DSG2: variants seen among roughly 807,000 people sequenced by gnomAD.
The protein encoded by DSG2 is desmoglein-2.
A neutral mutation model predicts 75.6 loss-of-function variants in DSG2; 45 were observed. The ratio of observed to expected loss-of-function variants is 0.60; its 90% CI spans 0.47 to 0.76. The LOEUF is 0.76. Ranked by LOEUF, DSG2 falls within the 30% of genes least tolerant of loss-of-function variation. The probability of loss-of-function intolerance (pLI) is 0.00; values close to 1 mark genes in which losing one functional copy is unlikely to be tolerated. For missense variants in DSG2, 1,267 were observed against 1,357.4 expected (o/e 0.93, Z 1.05); for synonymous variants, 429 against 483.9 (o/e 0.89, Z 1.49).
rs118108358 is a variant in DSG2 at position 31,541,967 on chromosome 18, A to G, written c.2002-553A>G. 2.3e-3 allele frequency among the ~76,000 whole-genome samples: 341 copies of G among 151,526 alleles called. 1 individual carries two copies. The highest frequency in any genetic ancestry group is 4.4e-3 in the Non-Finnish European group (296 of 67,972). ...TTCCATGGTTGAGTTCCATTCCCACACTGTCCTCATGTCCTAGTTCTAGCT... is the reference window on the plus strand; with the variant it reads ...TTCCATGGTTGAGTTCCATTCCCACGCTGTCCTCATGTCCTAGTTCTAGCT... On this transcript the variant is annotated intron_variant, in intron 13 of 14. Transcript: ENST00000261590.
intron 1 of DSG2, among the ~76,000 whole-genome samples, chr18:31,511,131 C>T (rs1952771772): frequency 6.6e-6 from 1 of 152,202 alleles, no homozygotes; most frequent in Admixed American, 6.5e-5. Flanking sequence ...GCTTGTATTA[C>T]TGTCCTGACC....
intron 1 of DSG2, among the ~76,000 whole-genome samples, chr18:31,502,010 T>C (rs2073016131): frequency 6.6e-6 from 1 of 152,188 alleles, no homozygotes; most frequent in Non-Finnish European, 1.5e-5. Flanking sequence ...AATAATCAAT[T>C]ATCATATCCA....
At chr18:31,512,178 C>A (rs1196535569) in intron 1 of DSG2, among the ~76,000 whole-genome samples, 3 of 152,120 alleles carry the variant, frequency 2.0e-5, no homozygotes, top group Non-Finnish European at 4.4e-5. Flanking sequence ...TCACCCCTCC[C>A]TCAACACCAC....
chr18:31,517,674 A>G (rs1356144668), intron 1 of DSG2, among the ~76,000 whole-genome samples: 1 of 152,206 alleles, frequency 6.6e-6, no homozygotes, highest in Non-Finnish European at 1.5e-5. Context: ...TATTTAGAAC[A>G]GTACTAGGTC....
At chr18:31,526,718 G>A (rs1228334582) in intron 8 of DSG2, among the ~76,000 whole-genome samples, 1 of 152,136 alleles carries the variant, frequency 6.6e-6, no homozygotes, top group Non-Finnish European at 1.5e-5. Context: ...TGCCACATAC[G>A]AACGTTTCAG....
chr18:31,547,028 G>C lies in DSG2; in HGVS notation c.*285G>C. ...CCTGATAAAACAAGATACATAGAGA[G>C]TCAATCTGGCTTCTGAGAATTTACC... On this transcript the variant is annotated 3_prime_UTR_variant, in exon 15 of 15. Coordinates refer to ENST00000261590, the MANE Select transcript of DSG2 (RefSeq NM_001943.5). 2.1e-6 allele frequency: 1 copy of C among 469,850 alleles called. No homozygotes were observed. Among genetic ancestry groups the C allele is most frequent in the Admixed American group, 3.3e-5 (1 of 30,122 alleles). 29.1% of individuals were successfully genotyped at this position (469,850 alleles called of 1,614,324 possible).
In DSG2 at chr18:31,541,323, A is replaced by T. The variant is rs770547224; in HGVS notation, c.2001+9A>T. ...CACCACCTGAAGACAAGGTCAGTGG[A>T]TCAGATGTCAATATGACTTGTCTTC... On this transcript the variant is annotated intron_variant, in intron 13 of 14. Transcript: ENST00000261590. The T allele has an allele frequency of 6.2e-7, 1 of 1,613,924 alleles. No individual in the cohort carries two copies. Among genetic ancestry groups the T allele is most frequent in the Non-Finnish European group, 8.5e-7 (1 of 1,179,916 alleles).
chr18:31,504,081 C>T (rs923383525), intron 1 of DSG2, among the ~76,000 whole-genome samples: 1 of 152,148 alleles, frequency 6.6e-6, no homozygotes, highest in East Asian at 1.9e-4. Flanking sequence ...TTGATACATT[C>T]GTCCACTCAA....
rs1598829604 is a variant in DSG2, at chr18:31,548,909, T to G, written c.*2166T>G. On this transcript the variant is annotated 3_prime_UTR_variant, in exon 15 of 15. Coordinates refer to ENST00000261590, the MANE Select transcript of DSG2 (RefSeq NM_001943.5). ...TATTTTACAAGGAATATAACTCAGT[T>G]TGTTAGGGAGAGTGCCTTAAAGGCA... 1 of 100,052 alleles carries G rather than the reference T, an allele frequency of 1.0e-5. No individual in the cohort carries two copies. Among genetic ancestry groups the G allele is most frequent in the African/African-American group, 7.3e-5 (1 of 13,748 alleles). The allele number at this position is 100,052 out of a possible 1,614,324, so 6.2% of individuals were successfully genotyped here. A position where few individuals can be genotyped will look rare whatever the true frequency, so the allele number is the denominator to read the frequency against.
intron 1 of DSG2, among the ~76,000 whole-genome samples, chr18:31,507,035 G>A (rs372537177): frequency 1.2e-4 from 18 of 151,884 alleles, no homozygotes; most frequent in African/African-American, 4.1e-4. Context: ...CCATCAACTC[G>A]TCATCTGTAT....
intron 9 of DSG2, 112 bp downstream of exon 9, chr18:31,531,364 TC>T (rs763401497): frequency 5.0e-5 from 64 of 1,283,144 alleles, no homozygotes; most frequent in Non-Finnish European, 6.2e-5. Context: ...GCATTATAGT[TC>T]CCCAAAGGTC....
At chr18:31,506,003 G>T (rs1010297210) in intron 1 of DSG2, among the ~76,000 whole-genome samples, 1 of 152,140 alleles carries the variant, frequency 6.6e-6, no homozygotes, top group African/African-American at 2.4e-5. Context: ...CACAAATTGG[G>T]CGTCTACTAT....
chr18:31,515,269 A>C lies in DSG2; in HGVS notation c.46-2970A>C, dbSNP rs144331798. Among the ~76,000 whole-genome samples the C allele has an allele frequency of 2.5e-3, 384 of 151,986 alleles. 5 individuals carry two copies. The highest frequency in any genetic ancestry group is 8.7e-3 in the African/African-American group (360 of 41,448). On this transcript the variant is annotated intron_variant, in intron 1 of 14. Transcript: ENST00000261590. ...AGGCACCCACCACCACGGGCAGCTA[A>C]TATTTTTTTGTATTTTTAGTAGAGA...
intron 1 of DSG2, among the ~76,000 whole-genome samples, chr18:31,502,240 AGT>A (rs2073017108): frequency 6.6e-6 from 1 of 152,174 alleles, no homozygotes; most frequent in Admixed American, 6.5e-5. Context: ...GTGGTGTGTG[AGT>A]GTAGTGAGCC....
intron 13 of DSG2, chr18:31,542,282 A>G: frequency 1.7e-6 from 1 of 580,874 alleles, no homozygotes; most frequent in Non-Finnish European, 3.1e-6. Flanking sequence ...AAAGGAGCTG[A>G]GACTGTTTGG....
At chr18:31,518,054 T>C (rs1384041774) in intron 1 of DSG2, among the ~76,000 whole-genome samples, 185 bp from the exon 2 acceptor site, 1 of 152,198 alleles carries the variant, frequency 6.6e-6, no homozygotes, top group Non-Finnish European at 1.5e-5. Flanking sequence ...TATAGATTTC[T>C]CCTCGGGCAC....
At chr18:31,509,530 T>A (rs1307957434) in intron 1 of DSG2, among the ~76,000 whole-genome samples, 26 of 152,224 alleles carry the variant, frequency 1.7e-4, no homozygotes, top group Admixed American at 1.7e-3. Context: ...CTAGATCATC[T>A]GTAAGTTGGA....
intron 8 of DSG2, among the ~76,000 whole-genome samples, chr18:31,528,944 T>C (rs1044316364): frequency 5.9e-5 from 9 of 152,036 alleles, no homozygotes; most frequent in Non-Finnish European, 1.0e-4. Context: ...ATAGTGATGA[T>C]TGCAAATCCA....
intron 1 of DSG2, 88 bp downstream of exon 1, chr18:31,498,384 G>A: frequency 8.2e-7 from 1 of 1,217,944 alleles, no homozygotes; most frequent in Non-Finnish European, 1.0e-6. Context: ...CTTGCCCGCC[G>A]CCCTTGTGCG....
Sources: allele counts gnomAD v4.1 joint callset (sites outside exome capture counted in the v4.1 genomes callset), GRCh38; gene constraint gnomAD v4.1.1; transcripts MANE v1.5; gene names NCBI Gene and HGNC (gene_info 2026-07-23, HGNC 2026-07-21).